The following TMEM132C variants were observed in gnomAD, a reference collection of about 807,000 sequenced individuals.
TMEM132C encodes transmembrane protein 132C, also known as protein phosphatase 1, regulatory subunit 152.
TMEM132C carries 29 observed loss-of-function variants against 61.4 expected under a neutral mutation model. That is an observed-to-expected ratio of 0.47 (90% CI 0.35 to 0.64). The LOEUF is 0.64. Among genes scored for constraint, TMEM132C ranks in the 30% least tolerant of loss-of-function variants. The pLI, the probability that TMEM132C is intolerant of heterozygous loss-of-function variation, is 0.00. For missense variants in TMEM132C, 1,408 were observed against 1,476.9 expected (o/e 0.95, Z 0.76); for synonymous variants, 656 against 633.1 (o/e 1.04, Z -0.54).
intron 5 of TMEM132C, among the ~76,000 whole-genome samples, chr12:128,688,564 A>T (rs1055829538): frequency 6.6e-6 from 1 of 152,248 alleles, no homozygotes; most frequent in Non-Finnish European, 1.5e-5. Context: ...GAACGTGCTA[A>T]AAGTTCCAGC....
intron 1 of TMEM132C, among the ~76,000 whole-genome samples, chr12:128,354,415 C>T (rs1159292308): frequency 1.3e-5 from 2 of 151,368 alleles, no homozygotes; most frequent in South Asian, 2.1e-4. Flanking sequence ...TTCTTCCCTT[C>T]TTTAATTCTT....
intron 2 of TMEM132C, among the ~76,000 whole-genome samples, chr12:128,424,122 G>A (rs529537808): frequency 6.6e-6 from 1 of 151,188 alleles, no homozygotes; most frequent in South Asian, 2.1e-4. Context: ...AACCAGCTCA[G>A]GGCAAAGGGC....
At chr12:128,686,425 TAAAAC>T (rs1307683434) in intron 5 of TMEM132C, among the ~76,000 whole-genome samples, 2 of 152,174 alleles carry the variant, frequency 1.3e-5, no homozygotes, top group African/African-American at 4.8e-5. Context: ...CCCCATCTCT[TAAAAC>T]AAATGCTTTT....
intron 4 of TMEM132C, among the ~76,000 whole-genome samples, chr12:128,626,076 A>G (rs1176671443): frequency 1.3e-5 from 2 of 152,010 alleles, no homozygotes; most frequent in Admixed American, 1.3e-4. Context: ...AAACACATGT[A>G]CTACAGTACC....
intron 2 of TMEM132C, among the ~76,000 whole-genome samples, chr12:128,496,687 G>A (rs1053045718): frequency 6.6e-6 from 1 of 152,136 alleles, no homozygotes; most frequent in African/African-American, 2.4e-5. Context: ...GCTCCATCAG[G>A]TCATTTAAGG....
chr12:128,327,301 C>G (rs185514276), intron 1 of TMEM132C, among the ~76,000 whole-genome samples: 1 of 150,298 alleles, frequency 6.7e-6, no homozygotes, highest in Non-Finnish European at 1.5e-5. Flanking sequence ...GACCATGGCC[C>G]GAGACACAGC....
chr12:128,543,614 C>G (rs1197179787), intron 2 of TMEM132C, among the ~76,000 whole-genome samples: 1 of 152,176 alleles, frequency 6.6e-6, no homozygotes, highest in East Asian at 1.9e-4. Flanking sequence ...CCAAATGTCT[C>G]TGGCAGGGCG....
At chr12:128,628,756 T>C (rs987045546) in intron 4 of TMEM132C, among the ~76,000 whole-genome samples, 1 of 152,220 alleles carries the variant, frequency 6.6e-6, no homozygotes, top group Non-Finnish European at 1.5e-5. Flanking sequence ...CTGATCTGTT[T>C]CATGTGTTGA....
At chr12:128,477,126 T>C in intron 2 of TMEM132C, among the ~76,000 whole-genome samples, 1 of 152,154 alleles carries the variant, frequency 6.6e-6, no homozygotes, top group East Asian at 1.9e-4. Context: ...ATGATTTCTC[T>C]CTATTGTGAA....
intron 1 of TMEM132C, among the ~76,000 whole-genome samples, chr12:128,390,247 T>C (rs947332729): frequency 3.9e-5 from 6 of 152,180 alleles, no homozygotes; most frequent in Non-Finnish European, 7.4e-5. Flanking sequence ...TTGATTACCT[T>C]ATAGTTCTGG....
At chr12:128,507,186 G>T (rs1215883242) in intron 2 of TMEM132C, among the ~76,000 whole-genome samples, 2 of 152,060 alleles carry the variant, frequency 1.3e-5, no homozygotes, top group Non-Finnish European at 2.9e-5. Context: ...ACCAACCCAG[G>T]CTGTCCCACA....
intron 2 of TMEM132C, among the ~76,000 whole-genome samples, chr12:128,463,995 G>A (rs932607535): frequency 2.0e-5 from 3 of 152,158 alleles, no homozygotes; most frequent in Non-Finnish European, 4.4e-5. Flanking sequence ...TTTTCCAGCA[G>A]CTGGCCCTCC....
intron 3 of TMEM132C, among the ~76,000 whole-genome samples, chr12:128,577,104 A>G (rs750699110): frequency 1.8e-4 from 27 of 152,128 alleles, no homozygotes; most frequent in Non-Finnish European, 1.5e-4. Context: ...CACAGCCCCC[A>G]TCAACCACTA....
chr12:128,353,216 T>C (rs572708559), intron 1 of TMEM132C, among the ~76,000 whole-genome samples: 1 of 152,162 alleles, frequency 6.6e-6, no homozygotes, highest in Non-Finnish European at 1.5e-5. Flanking sequence ...GTGAATAAAA[T>C]CTAAAAATGC....
chr12:128,363,320 A>T (rs1367947116), intron 1 of TMEM132C, among the ~76,000 whole-genome samples: 1 of 152,254 alleles, frequency 6.6e-6, no homozygotes, highest in Non-Finnish European at 1.5e-5. Flanking sequence ...CACTTCAACG[A>T]CTTAACAATG....
intron 2 of TMEM132C, among the ~76,000 whole-genome samples, chr12:128,469,640 TTGTG>T (rs745661735): frequency 3.3e-4 from 48 of 146,692 alleles, no homozygotes; most frequent in East Asian, 1.2e-3. Context: ...GTGTGTGTGT[TTGTG>T]TGTGTGTGTG....
chr12:128,307,452 G>A (rs1871821797), intron 1 of TMEM132C, among the ~76,000 whole-genome samples: 1 of 151,040 alleles, frequency 6.6e-6, no homozygotes, highest in African/African-American at 2.4e-5. Flanking sequence ...GGAAAAAACA[G>A]CAAAGCTATT....
At chr12:128,351,116 C>G (rs936356252) in intron 1 of TMEM132C, among the ~76,000 whole-genome samples, 21 of 152,172 alleles carry the variant, frequency 1.4e-4, no homozygotes, top group Non-Finnish European at 2.9e-4. Flanking sequence ...CGTCCTGTAA[C>G]TCACCACTGA....
At chr12:128,505,516 C>A (rs1021881209) in intron 2 of TMEM132C, among the ~76,000 whole-genome samples, 2 of 152,134 alleles carry the variant, frequency 1.3e-5, no homozygotes, top group Admixed American at 1.3e-4. Flanking sequence ...CTGGTACCCA[C>A]CCCCATGGAG....
Sources: allele counts gnomAD v4.1 joint callset (sites outside exome capture counted in the v4.1 genomes callset), GRCh38; gene constraint gnomAD v4.1.1; transcripts MANE v1.5; gene names NCBI Gene and HGNC (gene_info 2026-07-23, HGNC 2026-07-21).